SCHIP1: variants seen among roughly 807,000 people sequenced by gnomAD.
SCHIP1 encodes schwannomin interacting protein 1, also known as schwannomin-interacting protein 1.
In SCHIP1, 8 loss-of-function variants were observed where a neutral mutation model predicts 29.7. The ratio of observed to expected loss-of-function variants is 0.27; its 90% CI spans 0.16 to 0.49. The LOEUF (loss-of-function observed/expected upper bound fraction) is 0.49, where lower values mean the gene tolerates loss of function less well. Among genes scored for constraint, SCHIP1 ranks in the 20% least tolerant of loss-of-function variants. The probability of loss-of-function intolerance (pLI) is 0.99; values close to 1 mark genes in which losing one functional copy is unlikely to be tolerated. For synonymous variants in SCHIP1, 76 were observed against 94.9 expected, an observed-to-expected ratio of 0.80 and a Z score of 1.16; for missense variants, 193 against 294.6, an observed-to-expected ratio of 0.66 and a Z score of 2.52.
the SCHIP1 span, among the ~76,000 whole-genome samples, chr3:159,299,441 C>G: frequency 6.6e-6 from 1 of 152,070 alleles, no homozygotes; most frequent in East Asian, 1.9e-4. Context: ...ACAGATGGCC[C>G]TTTGAATACA....
At chr3:159,445,827 G>T in the SCHIP1 span, among the ~76,000 whole-genome samples, 2 of 136,142 alleles carry the variant, frequency 1.5e-5, no homozygotes, top group African/African-American at 5.5e-5. Context: ...ATTGAACAAT[G>T]AGAACACATG....
the SCHIP1 span, among the ~76,000 whole-genome samples, chr3:159,392,692 T>A: frequency 2.0e-5 from 3 of 152,032 alleles, no homozygotes; most frequent in South Asian, 2.1e-4. Context: ...TGTGCCACAT[T>A]TTCTTAATCC....
the SCHIP1 span, among the ~76,000 whole-genome samples, chr3:159,647,319 G>C: frequency 1.3e-5 from 2 of 152,134 alleles, no homozygotes; most frequent in Non-Finnish European, 2.9e-5. Flanking sequence ...GTTCAGTGGA[G>C]AGCATGGGGA....
chr3:159,405,362 A>ATAGT, the SCHIP1 span, among the ~76,000 whole-genome samples: 1 of 152,256 alleles, frequency 6.6e-6, no homozygotes, highest in African/African-American at 2.4e-5. Context: ...AGAATTCAAA[A>ATAGT]TAGTTGTTTT....
chr3:159,874,724 G>T (rs1407160306), intron 2 of SCHIP1, among the ~76,000 whole-genome samples: 4 of 152,192 alleles, frequency 2.6e-5, no homozygotes, highest in Non-Finnish European at 5.9e-5. Flanking sequence ...TTTTCTGGAA[G>T]AAGTAAGCAC....
chr3:159,352,283 C>T, the SCHIP1 span, among the ~76,000 whole-genome samples: 1 of 152,150 alleles, frequency 6.6e-6, no homozygotes, highest in African/African-American at 2.4e-5. Flanking sequence ...TTAAATATAC[C>T]AAGTGTTCTC....
At chr3:159,839,081 C>T (rs2109006628), upstream of SCHIP1, among the ~76,000 whole-genome samples, 1 of 151,772 alleles carries the variant, frequency 6.6e-6, no homozygotes, top group Admixed American at 6.6e-5. Flanking sequence ...CTGAAGTGGC[C>T]CTGAAGCCAC....
the SCHIP1 span, among the ~76,000 whole-genome samples, chr3:159,495,124 T>C: frequency 1.3e-5 from 2 of 152,094 alleles, no homozygotes; most frequent in Non-Finnish European, 2.9e-5. Flanking sequence ...ATAAGAGCTA[T>C]CTATGACAAA....
At chr3:159,353,824 C>A in the SCHIP1 span, among the ~76,000 whole-genome samples, 1 of 152,108 alleles carries the variant, frequency 6.6e-6, no homozygotes. Context: ...ATCTGGTAAA[C>A]TAGAATGGAA....
At chr3:159,669,865 T>C in the SCHIP1 span, among the ~76,000 whole-genome samples, 14 of 152,112 alleles carry the variant, frequency 9.2e-5, no homozygotes, top group African/African-American at 3.4e-4. Context: ...AGCTATGTGA[T>C]GAATCGTTTT....
At chr3:159,671,475 T>A in the SCHIP1 span, among the ~76,000 whole-genome samples, 1 of 152,180 alleles carries the variant, frequency 6.6e-6, no homozygotes, top group African/African-American at 2.4e-5. Context: ...TTTCTCCCCA[T>A]CCCTTGTTCA....
the SCHIP1 span, among the ~76,000 whole-genome samples, chr3:159,422,139 T>C: frequency 1.1e-4 from 17 of 152,050 alleles, no homozygotes; most frequent in African/African-American, 4.1e-4. Context: ...TTTTGTCTGG[T>C]GTGCTTTTCA....
the SCHIP1 span, among the ~76,000 whole-genome samples, chr3:159,631,919 C>T: frequency 6.6e-6 from 1 of 152,064 alleles, no homozygotes; most frequent in Non-Finnish European, 1.5e-5. Context: ...ATGCACCCCC[C>T]ACCTCATCTC....
At chr3:159,550,488 C>G in the SCHIP1 span, among the ~76,000 whole-genome samples, 16 of 151,906 alleles carry the variant, frequency 1.1e-4, no homozygotes, top group Non-Finnish European at 2.1e-4. Context: ...AGACTTTTTG[C>G]TTTAAAGACT....
the SCHIP1 span, among the ~76,000 whole-genome samples, chr3:159,339,860 T>C: frequency 6.6e-6 from 1 of 152,252 alleles, no homozygotes; most frequent in South Asian, 2.1e-4. Flanking sequence ...AAAGAAGATA[T>C]AGCTCTCATC....
the SCHIP1 span, among the ~76,000 whole-genome samples, chr3:159,589,946 A>T: frequency 6.6e-6 from 1 of 152,194 alleles, no homozygotes; most frequent in African/African-American, 2.4e-5. Context: ...CAAGTGAGAG[A>T]GTAGGGTGGC....
chr3:159,393,212 A>G, the SCHIP1 span, among the ~76,000 whole-genome samples: 1 of 152,178 alleles, frequency 6.6e-6, no homozygotes, highest in Admixed American at 6.5e-5. Context: ...TCTGGATATT[A>G]GCCCTTTGTC....
chr3:159,309,138 G>T, the SCHIP1 span: 61 of 181,360 alleles, frequency 3.4e-4, no homozygotes, highest in Non-Finnish European at 5.4e-4. Context: ...TAAAATAAAA[G>T]TTAAAATTAA....
chr3:159,390,401 A>T, the SCHIP1 span, among the ~76,000 whole-genome samples: 2 of 152,132 alleles, frequency 1.3e-5, no homozygotes, highest in African/African-American at 4.8e-5. Context: ...TGGGATAATT[A>T]TGAGGCTTAT....
Sources: gnomAD v4.1 joint callset for allele counts (sites outside exome capture counted in the v4.1 genomes callset) on GRCh38, gnomAD v4.1.1 for gene constraint, MANE v1.5 for transcripts, NCBI Gene and HGNC (gene_info 2026-07-23, HGNC 2026-07-21) for gene names.